SLC49A3: variants seen among roughly 807,000 people sequenced by gnomAD.
SLC49A3 encodes the protein solute carrier family 49 member A3.
A neutral mutation model predicts 43.8 loss-of-function variants in SLC49A3; 50 were observed. That is an observed-to-expected ratio of 1.14 (90% CI 0.91 to 1.45). The LOEUF (loss-of-function observed/expected upper bound fraction) is 1.45, where lower values mean the gene tolerates loss of function less well. Ranked by LOEUF, SLC49A3 falls within the 40% of genes most tolerant of loss-of-function variation. The probability of loss-of-function intolerance (pLI) is 0.00; values close to 1 mark genes in which losing one functional copy is unlikely to be tolerated. For synonymous variants in SLC49A3, 413 were observed against 352.0 expected (o/e 1.17, Z -1.94); for missense variants, 906 against 774.1 (o/e 1.17, Z -2.02).
chr4:683,207 C>T lies in SLC49A3; in HGVS notation c.1151+3G>A, dbSNP rs377542268. On this transcript the variant is annotated splice_donor_region_variant and intron_variant, in intron 8 of 9. Coordinates refer to ENST00000322224, the MANE Select transcript of SLC49A3 (RefSeq NM_032219.4). The stretch of plus-strand genomic sequence containing the variant: ...GTTGCAGCAGGGGCAGATGGACACT[C>T]ACCCCAGCACAAAGATCATGCCTGT... 2.9e-5 allele frequency: 47 copies of T among 1,612,598 alleles called. No homozygotes were observed. The highest frequency in any genetic ancestry group is 1.6e-4 in the Middle Eastern group (1 of 6,084).
chr4:684,008 G>A (rs770967614), intron 6 of SLC49A3, among the ~76,000 whole-genome samples: 21 of 152,224 alleles, frequency 1.4e-4, no homozygotes, highest in Non-Finnish European at 2.4e-4. Context: ...CCACAGGGCC[G>A]TGGTGCCTGT....
chr4:688,917 G>T, intron 1 of SLC49A3, 76 bp downstream of exon 1: 1 of 1,516,390 alleles, frequency 6.6e-7, no homozygotes, highest in South Asian at 1.2e-5. Context: ...TCGGGCTGTG[G>T]CCACAGGAAA....
chr4:690,995 A>G (rs970363149), upstream of SLC49A3, among the ~76,000 whole-genome samples: 1 of 152,264 alleles, frequency 6.6e-6, no homozygotes, highest in African/African-American at 2.4e-5. Context: ...GCTAAAAATT[A>G]CAAACCATGG....
intron 4 of SLC49A3, 33 bp from the exon 5 acceptor site, chr4:684,889 C>T (rs752684557): frequency 5.0e-6 from 8 of 1,600,234 alleles, no homozygotes; most frequent in African/African-American, 2.7e-5. Context: ...AAGGAGACCA[C>T]GCAGACTGGC....
rs1003314760 is a variant in SLC49A3, at chr4:685,962, C to T, written c.509-51G>A. 5.6e-6 allele frequency: 9 copies of T among 1,611,524 alleles called. No homozygotes were observed. Among genetic ancestry groups the T allele is most frequent in the East Asian group, 2.2e-5 (1 of 44,854 alleles). On this transcript the variant is annotated intron_variant, in intron 3 of 9. Transcript: ENST00000322224. This position sits in a 1 kb window ranked among gnomAD's most constrained non-coding sequence, Gnocchi z 4.3. Reference sequence around the variant, plus strand: ...CAGCTCGGCTGTGGCCTGGCTTCATCGCCAGCCCACAGGCAGAACCTTCCG... The same window carrying T: ...CAGCTCGGCTGTGGCCTGGCTTCATTGCCAGCCCACAGGCAGAACCTTCCG...
chr4:678,260 T>C, downstream of SLC49A3: 1 of 1,468,642 alleles, frequency 6.8e-7, no homozygotes, highest in African/African-American at 1.4e-5. Context: ...CACGTTGCTC[T>C]CCTGGTGAGA....
downstream of SLC49A3, chr4:680,683 C>A: frequency 2.4e-6 from 3 of 1,225,450 alleles, no homozygotes; most frequent in Non-Finnish European, 3.5e-6. Context: ...GATGCCACGC[C>A]CACCTCCCCA....
chr4:678,109 G>T, downstream of SLC49A3: 1 of 1,590,220 alleles, frequency 6.3e-7, no homozygotes, highest in South Asian at 1.1e-5. Context: ...GCACAGACGA[G>T]CGTGGGCGTG....
At chr4:684,440 C>T (rs201367279) in intron 6 of SLC49A3, 43 bp downstream of exon 6, 228 of 1,606,704 alleles carry the variant, frequency 1.4e-4, no homozygotes, top group African/African-American at 7.7e-4. Flanking sequence ...CCATATGGGG[C>T]GGATGACAGA....
rs992083039 is a variant in SLC49A3 at position 683,288 on chromosome 4, G to C, written c.1073C>G (p.Pro358Arg). ...LLGLFGFSVG[P>R]VAMELAVECS... ...CTCGACCGCCAACTCCATGGCCACG[G>C]GGCCCACCGAGAAGCCAAACAGCCC... The change falls in exon 8 of 10, where the codon CCC becomes CGC. Residue 358 changes from proline (P) to arginine (R), a missense_variant. By Grantham distance (103) the Pro-to-Arg change is moderately radical. Coordinates refer to ENST00000322224, the MANE Select transcript of SLC49A3 (RefSeq NM_032219.4). 1 of 1,612,604 alleles carries C rather than the reference G, an allele frequency of 6.2e-7. No individual in the cohort carries two copies. Among genetic ancestry groups the C allele is most frequent in the African/African-American group, 1.3e-5 (1 of 74,918 alleles).
chr4:680,616 G>A (rs1739373138), downstream of SLC49A3: 6 of 1,604,916 alleles, frequency 3.7e-6, no homozygotes, highest in Non-Finnish European at 5.1e-6. Context: ...AGGGCGGCCC[G>A]GCTTCCGGGG....
chr4:683,027 G>A, intron 8 of SLC49A3, 137 bp from the exon 9 acceptor site: 1 of 1,091,078 alleles, frequency 9.2e-7, no homozygotes, highest in East Asian at 2.6e-5. Flanking sequence ...TCGGTCATGG[G>A]CCCTATCAGC....
chr4:680,001 T>C (rs754671015), downstream of SLC49A3: 8 of 1,613,062 alleles, frequency 5.0e-6, 1 homozygote, highest in East Asian at 4.5e-5. Flanking sequence ...CTGAACCTGT[T>C]TGGGGAGAAG....
At chr4:691,256 C>G (rs1156542497), upstream of SLC49A3, among the ~76,000 whole-genome samples, 6 of 137,606 alleles carry the variant, frequency 4.4e-5, no homozygotes, top group Non-Finnish European at 6.1e-5. Flanking sequence ...GCACTCCAGC[C>G]TGGGCAACAG....
Position 686,160 on chromosome 4 carries a change from G to A in SLC49A3, c.437C>T (p.Ser146Phe). The A allele has an allele frequency of 1.2e-6, 2 of 1,613,414 alleles. No individual in the cohort carries two copies. The highest frequency in any genetic ancestry group is 2.2e-5 in the East Asian group (1 of 44,884). Residue 146 changes from serine (S) to phenylalanine (F), a missense_variant, in exon 3 of 10, where the codon TCT (serine) becomes TTT (phenylalanine). Coordinates refer to ENST00000322224, the MANE Select transcript of SLC49A3 (RefSeq NM_032219.4). ...CALAQSLVIF[S>F]PAKLAALWFP... ...CCACAAGGCAGCCAGCTTGGCTGGA[G>A]AGAAGATGACCAGGCTCTGGGCAAG...
chr4:689,186 T>C (rs1228986515), upstream of SLC49A3: 5 of 1,206,198 alleles, frequency 4.1e-6, no homozygotes, highest in Non-Finnish European at 3.1e-6. Context: ...TTAAGGACCT[T>C]CCCGCGTGGG....
chr4:678,729 C>T (rs779139872), downstream of SLC49A3: 20 of 1,611,888 alleles, frequency 1.2e-5, 1 homozygote, highest in South Asian at 2.1e-4. Flanking sequence ...ATGTCTTCTC[C>T]AACTTTGAGC....
chr4:689,210 C>T (rs1054170817), upstream of SLC49A3: 11 of 1,078,822 alleles, frequency 1.0e-5, no homozygotes, highest in East Asian at 2.9e-4. Flanking sequence ...GGACCGCCTG[C>T]GGGCGGAGGT....
downstream of SLC49A3, among the ~76,000 whole-genome samples, chr4:677,676 G>A (rs1738983918): frequency 6.6e-6 from 1 of 152,164 alleles, no homozygotes; most frequent in Non-Finnish European, 1.5e-5. Context: ...GCAGTTCCAG[G>A]GTGCCCAGGC....
Sources: gnomAD v4.1 joint callset for allele counts (sites outside exome capture counted in the v4.1 genomes callset) on GRCh38, gnomAD v4.1.1 for gene constraint, Gnocchi (gnomAD v3.1) non-coding constraint, MANE v1.5 for transcripts, NCBI Gene and HGNC (gene_info 2026-07-23, HGNC 2026-07-21) for gene names.